The following IQCM variants were observed in gnomAD, a reference collection of about 807,000 sequenced individuals.
The protein encoded by IQCM is IQ domain-containing protein M.
In IQCM, 45 loss-of-function variants were observed where a neutral mutation model predicts 57.6. That is an observed-to-expected ratio of 0.78 (90% CI 0.62 to 1.00). The LOEUF (loss-of-function observed/expected upper bound fraction) is 1.00, where lower values mean the gene tolerates loss of function less well. Among genes scored for constraint, IQCM ranks in the 50% least tolerant of loss-of-function variants. IQCM has a pLI of 0.00. For synonymous variants in IQCM, 148 were observed against 158.9 expected, an observed-to-expected ratio of 0.93 and a Z score of 0.51; for missense variants, 468 against 511.6, an observed-to-expected ratio of 0.91 and a Z score of 0.82.
chr4:149,506,522 C>A (rs1477067837), intron 12 of IQCM, among the ~76,000 whole-genome samples: 1 of 152,060 alleles, frequency 6.6e-6, no homozygotes, highest in Non-Finnish European at 1.5e-5. Flanking sequence ...GAAAGGATCC[C>A]TTTTTAGGGT....
At chr4:149,591,513 A>G (rs1205078171) in intron 8 of IQCM, among the ~76,000 whole-genome samples, 1 of 152,076 alleles carries the variant, frequency 6.6e-6, no homozygotes, top group East Asian at 1.9e-4. Context: ...CAGGTTTGTT[A>G]CATATGTATA....
chr4:149,618,728 GA>G (rs1225928683), intron 8 of IQCM, among the ~76,000 whole-genome samples: 2 of 152,038 alleles, frequency 1.3e-5, no homozygotes, highest in African/African-American at 2.4e-5. Context: ...ACAAACATAT[GA>G]AAAAATGCTC....
At chr4:149,526,556 C>T (rs1002670215) in intron 12 of IQCM, among the ~76,000 whole-genome samples, 38 of 151,956 alleles carry the variant, frequency 2.5e-4, no homozygotes, top group African/African-American at 7.0e-4. Flanking sequence ...GCTTACATTA[C>T]ACAAATGGAA....
chr4:149,677,065 A>T (rs1174649813), intron 7 of IQCM, among the ~76,000 whole-genome samples: 1 of 152,056 alleles, frequency 6.6e-6, no homozygotes, highest in East Asian at 1.9e-4. Context: ...GGCACCAAGT[A>T]TGCAAAAAAT....
chr4:149,631,388 G>A (rs1757251328), intron 7 of IQCM, among the ~76,000 whole-genome samples: 1 of 152,120 alleles, frequency 6.6e-6, no homozygotes, highest in Non-Finnish European at 1.5e-5. Flanking sequence ...CAAACTTGGG[G>A]TGGTCTTTGG....
intron 5 of IQCM, among the ~76,000 whole-genome samples, chr4:149,713,230 G>A (rs1705162914): frequency 6.6e-6 from 1 of 152,076 alleles, no homozygotes; most frequent in African/African-American, 2.4e-5. Context: ...CAGGCCCTGT[G>A]ATTCATCGAT....
At chr4:149,519,464 A>C (rs1579341922) in intron 12 of IQCM, among the ~76,000 whole-genome samples, 1 of 151,936 alleles carries the variant, frequency 6.6e-6, no homozygotes, top group Non-Finnish European at 1.5e-5. Context: ...TACTAAAAAT[A>C]CAAAAAAATT....
intron 12 of IQCM, among the ~76,000 whole-genome samples, chr4:149,507,574 G>C (rs1434732675): frequency 1.3e-5 from 2 of 152,162 alleles, no homozygotes; most frequent in Non-Finnish European, 2.9e-5. Context: ...CTTTGAACTT[G>C]AGAGAGATGA....
chr4:149,669,545 C>T (rs981507819), intron 7 of IQCM, among the ~76,000 whole-genome samples: 5 of 152,192 alleles, frequency 3.3e-5, no homozygotes, highest in Middle Eastern at 3.4e-3. Flanking sequence ...ACATGAAGTC[C>T]TTGCCCATGC....
At chr4:149,659,101 GTC>G (rs1759918657) in intron 7 of IQCM, among the ~76,000 whole-genome samples, 1 of 151,874 alleles carries the variant, frequency 6.6e-6, no homozygotes, top group Non-Finnish European at 1.5e-5. Flanking sequence ...CTTGCTAGCA[GTC>G]TATCAATTTT....
intron 2 of IQCM, among the ~76,000 whole-genome samples, chr4:149,774,044 T>C (rs920338390): frequency 3.9e-5 from 6 of 152,216 alleles, no homozygotes; most frequent in African/African-American, 1.4e-4. Flanking sequence ...TGATTCTTTG[T>C]GCTTCTCTAT....
At chr4:149,753,757 CAA>C (rs201154511) in intron 2 of IQCM, among the ~76,000 whole-genome samples, 4 of 116,890 alleles carry the variant, frequency 3.4e-5, no homozygotes. Context: ...ACACTGAGAC[CAA>C]AAAAAAAAAG....
chr4:149,596,783 T>G (rs1458503999), intron 8 of IQCM, among the ~76,000 whole-genome samples: 1 of 152,106 alleles, frequency 6.6e-6, no homozygotes, highest in Non-Finnish European at 1.5e-5. Flanking sequence ...CCAAAAAAGT[T>G]TGAAAATTTA....
chr4:149,564,676 G>A (rs538690188), intron 9 of IQCM, among the ~76,000 whole-genome samples: 20 of 152,188 alleles, frequency 1.3e-4, no homozygotes, highest in East Asian at 3.9e-4. Context: ...TTTTTCTTCC[G>A]TACTGGTTGC....
At chr4:149,715,761 T>C (rs548303966) in intron 5 of IQCM, among the ~76,000 whole-genome samples, 257 of 152,312 alleles carry the variant, frequency 1.7e-3, no homozygotes, top group African/African-American at 5.1e-3. Flanking sequence ...GGGTAGCTTC[T>C]TTCTGCAGGC....
At chr4:149,612,911 T>C (rs1434540381) in intron 8 of IQCM, among the ~76,000 whole-genome samples, 1 of 151,938 alleles carries the variant, frequency 6.6e-6, no homozygotes, top group Non-Finnish European at 1.5e-5. Context: ...GGAATGCTAT[T>C]CAAAATGTCA....
intron 8 of IQCM, among the ~76,000 whole-genome samples, chr4:149,616,700 G>A (rs1354421527): frequency 1.3e-5 from 2 of 152,060 alleles, no homozygotes; most frequent in Non-Finnish European, 2.9e-5. Flanking sequence ...TGGACACAGG[G>A]AGGGGAACAA....
intron 12 of IQCM, among the ~76,000 whole-genome samples, chr4:149,483,855 C>T (rs950989785): frequency 6.6e-6 from 1 of 151,926 alleles, no homozygotes; most frequent in Non-Finnish European, 1.5e-5. Context: ...CTATCCAGTG[C>T]TGAATCTGGG....
At chr4:149,813,226 T>C (rs1178677146) in intron 2 of IQCM, among the ~76,000 whole-genome samples, 4 of 152,150 alleles carry the variant, frequency 2.6e-5, no homozygotes, top group Admixed American at 2.6e-4. Flanking sequence ...CCTGCTGTAC[T>C]ATTAGCTTCA....
Sources: allele counts gnomAD v4.1 joint callset (sites outside exome capture counted in the v4.1 genomes callset), GRCh38; gene constraint gnomAD v4.1.1; transcripts MANE v1.5; gene names NCBI Gene and HGNC (gene_info 2026-07-23, HGNC 2026-07-21).